MROH9: variants seen among roughly 807,000 people sequenced by gnomAD.
The protein encoded by MROH9 is maestro heat-like repeat-containing protein family member 9.
A neutral mutation model predicts 98.2 loss-of-function variants in MROH9; 92 were observed. That is an observed-to-expected ratio of 0.94 (90% CI 0.79 to 1.11). The LOEUF is 1.11. MROH9 is among the 50% of genes most tolerant of loss of function. MROH9 has a pLI of 0.00. For synonymous variants in MROH9, 397 were observed against 368.9 expected, an observed-to-expected ratio of 1.08 and a Z score of -0.87; for missense variants, 1,057 against 1,014.8, an observed-to-expected ratio of 1.04 and a Z score of -0.57.
rs533314305 is a variant in MROH9 at position 170,995,632 on chromosome 1, G to A, written c.1337+101G>A. The A allele has an allele frequency of 4.7e-4, 595 of 1,273,342 alleles. 1 individual carries two copies. The highest frequency in any genetic ancestry group is 5.3e-4 in the Admixed American group (23 of 43,504). 78.9% of individuals were successfully genotyped at this position (1,273,342 alleles called of 1,614,324 possible). On this transcript the variant is annotated intron_variant, in intron 13 of 21. Coordinates refer to ENST00000367759, the MANE Select transcript of MROH9 (RefSeq NM_001163629.2). ...CATATGGGATTCTTTACAGTCCCAT[G>A]TGCGGTGTGTTCATTTATTACAGTT...
rs1043761644 is a variant in MROH9 at position 171,024,715 on chromosome 1, G to A, written c.2128G>A (p.Asp710Asn). 3.9e-6 allele frequency: 6 copies of A among 1,551,110 alleles called. No homozygotes were observed. The highest frequency in any genetic ancestry group is 5.2e-6 in the Non-Finnish European group (6 of 1,146,718). The change falls in exon 19 of 22, where the codon GAT (aspartate) becomes AAT (asparagine). Residue 710 changes from aspartate (D) to asparagine (N), a missense_variant. Transcript: ENST00000367759. ...GTGGTCAACATCACGTTTGCTCAAA[G>A]ATGAAAATTACAGTTTTGAGATGGT... ...LKWSTSRLLK[D>N]ENYSFEMVVL...
At chr1:170,947,967 A>G (rs1445231535) in intron 3 of MROH9, among the ~76,000 whole-genome samples, 1 of 151,868 alleles carries the variant, frequency 6.6e-6, no homozygotes, top group Non-Finnish European at 1.5e-5. Flanking sequence ...TGATTGAATG[A>G]TATTATTTCC....
At chr1:171,008,162 ACT>A (rs888426013) in intron 15 of MROH9, among the ~76,000 whole-genome samples, 10 of 152,156 alleles carry the variant, frequency 6.6e-5, no homozygotes, top group African/African-American at 2.2e-4. Flanking sequence ...TTGGAGATAC[ACT>A]GTTATTAGCC....
intron 17 of MROH9, among the ~76,000 whole-genome samples, chr1:171,019,203 T>C (rs1275928732): frequency 6.6e-6 from 1 of 152,200 alleles, no homozygotes; most frequent in African/African-American, 2.4e-5. Flanking sequence ...AACAACCTGC[T>C]CCTGAATGAC....
chr1:170,977,086 C>T (rs150293769), intron 8 of MROH9, among the ~76,000 whole-genome samples: 65 of 152,258 alleles, frequency 4.3e-4, no homozygotes, highest in Admixed American at 2.9e-3. Flanking sequence ...TCAGCTCTAT[C>T]AGGCCAGTTA....
chr1:171,039,022 A>T (rs1304695298), intron 20 of MROH9, among the ~76,000 whole-genome samples: 1 of 152,028 alleles, frequency 6.6e-6, no homozygotes, highest in Non-Finnish European at 1.5e-5. Flanking sequence ...TCACTTGTGG[A>T]TGAAGCCTGT....
At chr1:170,994,491 G>A (rs1651479922) in intron 12 of MROH9, among the ~76,000 whole-genome samples, 1 of 152,088 alleles carries the variant, frequency 6.6e-6, no homozygotes, top group Admixed American at 6.6e-5. Flanking sequence ...TGGGTACAGA[G>A]TAGGTGTATA....
intron 1 of MROH9, among the ~76,000 whole-genome samples, chr1:170,943,348 G>C (rs976071172): frequency 6.6e-6 from 1 of 151,898 alleles, no homozygotes; most frequent in African/African-American, 2.4e-5. Flanking sequence ...CTAAAAATGT[G>C]CTAAAGAGAA....
intron 12 of MROH9, among the ~76,000 whole-genome samples, chr1:170,995,097 C>T (rs975559576): frequency 6.6e-6 from 1 of 151,968 alleles, no homozygotes; most frequent in African/African-American, 2.4e-5. Context: ...AGGAAGGGGA[C>T]CTTGGAAGGG....
At chr1:171,003,228 A>AAT (rs908829245) in intron 15 of MROH9, among the ~76,000 whole-genome samples, 15 of 151,790 alleles carry the variant, frequency 9.9e-5, no homozygotes, top group African/African-American at 3.6e-4. Flanking sequence ...TAAACTCCTG[A>AAT]ATTCTTTTTC....
At chr1:171,045,236 G>A (rs922735716) in intron 20 of MROH9, among the ~76,000 whole-genome samples, 9 of 151,536 alleles carry the variant, frequency 5.9e-5, no homozygotes, top group African/African-American at 1.9e-4. Context: ...TCCTGACCTC[G>A]TGATCCGCCC....
intron 20 of MROH9, among the ~76,000 whole-genome samples, chr1:171,036,650 C>A (rs1653107225): frequency 6.6e-6 from 1 of 151,616 alleles, no homozygotes; most frequent in South Asian, 2.1e-4. Context: ...AAATGTCTGT[C>A]ACAAGTAGAA....
chr1:170,985,495 A>G (rs953995563), intron 9 of MROH9, among the ~76,000 whole-genome samples: 14 of 152,176 alleles, frequency 9.2e-5, no homozygotes, highest in African/African-American at 3.4e-4. Context: ...ACCATTTTAT[A>G]TAATCTACTG....
Position 170,990,334 on chromosome 1 carries a change from G to A in MROH9, c.1028+331G>A, listed in dbSNP as rs544751328. 5.3e-5 allele frequency among the ~76,000 whole-genome samples: 8 copies of A among 152,210 alleles called. No homozygotes were observed. In the East Asian group the frequency reaches 5.8e-4, roughly 11 times the overall value. ...AATGTGATAATGGATTTTTATTCCCGTTTGTGAATTTACTCATTTTTGTTG... is the reference window on the plus strand; with the variant it reads ...AATGTGATAATGGATTTTTATTCCCATTTGTGAATTTACTCATTTTTGTTG... On this transcript the variant is annotated intron_variant, in intron 11 of 21. Transcript: ENST00000367759.
chr1:170,984,536 T>A (rs61132017), intron 9 of MROH9, among the ~76,000 whole-genome samples: 52,450 of 151,676 alleles, frequency 0.35, 9,151 homozygotes, highest in Middle Eastern at 0.47. Flanking sequence ...TCTTCCCTCA[T>A]CCTTCCATCC....
intron 15 of MROH9, among the ~76,000 whole-genome samples, 179 bp from the exon 16 acceptor site, chr1:171,013,938 C>T (rs1010406570): frequency 6.6e-6 from 1 of 150,814 alleles, no homozygotes; most frequent in Non-Finnish European, 1.5e-5. Context: ...CGAAACAAAG[C>T]ATCTATTTTT....
intron 17 of MROH9, among the ~76,000 whole-genome samples, chr1:171,016,539 A>G (rs1412874996): frequency 6.6e-6 from 1 of 152,092 alleles, no homozygotes; most frequent in Non-Finnish European, 1.5e-5. Context: ...AAAGAAGACT[A>G]ATCAAGGAAT....
chr1:171,010,697 A>G (rs1652120033), intron 15 of MROH9, among the ~76,000 whole-genome samples: 1 of 152,068 alleles, frequency 6.6e-6, no homozygotes, highest in African/African-American at 2.4e-5. Flanking sequence ...GATGATGAGC[A>G]TTTTTTCATA....
intron 6 of MROH9, among the ~76,000 whole-genome samples, chr1:170,963,835 G>C (rs1230080697): frequency 1.3e-5 from 2 of 152,000 alleles, no homozygotes; most frequent in African/African-American, 4.8e-5. Context: ...CCTGACAAAG[G>C]GTGGAGGTTG....
Sources: gnomAD v4.1 joint callset for allele counts (sites outside exome capture counted in the v4.1 genomes callset) on GRCh38, gnomAD v4.1.1 for gene constraint, MANE v1.5 for transcripts, NCBI Gene and HGNC (gene_info 2026-07-23, HGNC 2026-07-21) for gene names.